RALGPS2: variants seen among roughly 807,000 people sequenced by gnomAD.
The protein encoded by RALGPS2 is Ral GEF with PH domain and SH3 binding motif 2, also known as ras-specific guanine nucleotide-releasing factor RalGPS2.
RALGPS2 carries 43 observed loss-of-function variants against 86.8 expected under a neutral mutation model. The observed-to-expected ratio is 0.50, with a 90% CI of 0.39 to 0.64. The LOEUF is 0.64. RALGPS2 is among the 30% of genes least tolerant of loss of function. RALGPS2 has a pLI of 0.00. For missense variants in RALGPS2, 536 were observed against 694.6 expected (o/e 0.77, Z 2.57); for synonymous variants, 243 against 231.3 (o/e 1.05, Z -0.46).
intron 12 of RALGPS2, chr1:178,885,466 A>C: frequency 2.8e-6 from 1 of 361,722 alleles, no homozygotes; most frequent in Non-Finnish European, 4.9e-6. Context: ...GGGCCATCAT[A>C]AATAAAATCA....
chr1:178,744,542 G>A (rs931829462), intron 1 of RALGPS2, among the ~76,000 whole-genome samples: 1 of 152,168 alleles, frequency 6.6e-6, no homozygotes, highest in African/African-American at 2.4e-5. Context: ...GGGTTTGGTG[G>A]CTCATGCCTG....
At chr1:178,817,624 T>C (rs976588636) in intron 6 of RALGPS2, among the ~76,000 whole-genome samples, 1 of 152,192 alleles carries the variant, frequency 6.6e-6, no homozygotes, top group Non-Finnish European at 1.5e-5. Flanking sequence ...TCTGTGGAAA[T>C]TTTAGAAGTA....
intron 2 of RALGPS2, 149 bp downstream of exon 2, chr1:178,776,970 C>CT: frequency 1.6e-6 from 1 of 611,882 alleles, no homozygotes; most frequent in Non-Finnish European, 2.7e-6. Context: ...TTTTTTTATA[C>CT]TTTAAGTTTT....
At chr1:178,776,148 A>G (rs1028190199) in intron 1 of RALGPS2, among the ~76,000 whole-genome samples, 5 of 152,186 alleles carry the variant, frequency 3.3e-5, no homozygotes, top group South Asian at 4.1e-4. Context: ...GGATTTTGGT[A>G]TCTATAGTAG....
chr1:178,773,986 A>G (rs2102097141), intron 1 of RALGPS2, among the ~76,000 whole-genome samples: 1 of 152,330 alleles, frequency 6.6e-6, no homozygotes, highest in East Asian at 1.9e-4. Flanking sequence ...GACGCCTGTA[A>G]TCCCAGCACT....
intron 11 of RALGPS2, 53 bp downstream of exon 11, chr1:178,883,586 G>A (rs1558169707): frequency 7.4e-6 from 10 of 1,343,066 alleles, no homozygotes; most frequent in Non-Finnish European, 1.1e-5. Flanking sequence ...AACCTAATAA[G>A]GAAGAATATA....
At chr1:178,762,513 A>T (rs564040057) in intron 1 of RALGPS2, among the ~76,000 whole-genome samples, 1 of 152,310 alleles carries the variant, frequency 6.6e-6, no homozygotes, top group African/African-American at 2.4e-5. Flanking sequence ...CCTTGCCAGC[A>T]TCTGTTATTT....
intron 8 of RALGPS2, among the ~76,000 whole-genome samples, chr1:178,838,155 C>T (rs968294550): frequency 6.6e-6 from 1 of 152,234 alleles, no homozygotes; most frequent in African/African-American, 2.4e-5. Context: ...ATGTCCCTGT[C>T]TGACAGCTTT....
chr1:178,741,720 T>G (rs564279620), intron 1 of RALGPS2, among the ~76,000 whole-genome samples: 1 of 152,214 alleles, frequency 6.6e-6, no homozygotes, highest in East Asian at 1.9e-4. Flanking sequence ...TACTTACTTA[T>G]TCAGAAGAAA....
chr1:178,890,950 C>G (rs1032460190), intron 14 of RALGPS2, among the ~76,000 whole-genome samples: 1 of 151,980 alleles, frequency 6.6e-6, no homozygotes, highest in Non-Finnish European at 1.5e-5. Flanking sequence ...GTCTTTCCCT[C>G]TAGAAAGAAC....
intron 18 of RALGPS2, 49 bp downstream of exon 18, chr1:178,902,260 GTATA>G: frequency 7.4e-7 from 1 of 1,357,806 alleles, no homozygotes; most frequent in Non-Finnish European, 1.1e-6. Context: ...ATGTGTTTGT[GTATA>G]TGTATGTATG....
At chr1:178,795,665 C>T (rs755931604) in intron 4 of RALGPS2, among the ~76,000 whole-genome samples, 3 of 152,150 alleles carry the variant, frequency 2.0e-5, no homozygotes, top group Non-Finnish European at 4.4e-5. Flanking sequence ...CCACCCACCT[C>T]AGCCTCCCAA....
In RALGPS2 at chr1:178,879,009, A is replaced by G. The variant is rs368832010; in HGVS notation, c.836+17A>G. On this transcript the variant is annotated intron_variant, in intron 10 of 19. Coordinates refer to ENST00000367635, the MANE Select transcript of RALGPS2 (RefSeq NM_152663.5). ...TAATTACAAGTAGGTTGGATCTTCA[A>G]AAGTGGTTTGTATAACTTTGTCCTG... 1.7e-5 allele frequency: 27 copies of G among 1,611,100 alleles called. No homozygotes were observed. Among genetic ancestry groups the G allele is most frequent in the East Asian group, 2.2e-5 (1 of 44,658 alleles).
At chr1:178,750,633 C>T (rs1558101892) in intron 1 of RALGPS2, among the ~76,000 whole-genome samples, 2 of 152,176 alleles carry the variant, frequency 1.3e-5, no homozygotes, top group Non-Finnish European at 2.9e-5. Flanking sequence ...AATTCAGGCA[C>T]TTTTACTTTG....
chr1:178,836,595 C>A (rs947851828), intron 8 of RALGPS2, among the ~76,000 whole-genome samples: 3 of 152,150 alleles, frequency 2.0e-5, no homozygotes, highest in Non-Finnish European at 2.9e-5. Context: ...GTTTCTCAAG[C>A]CCCATCTTAA....
chr1:178,886,431 G>A (rs1488605923), intron 13 of RALGPS2, among the ~76,000 whole-genome samples: 1 of 152,104 alleles, frequency 6.6e-6, no homozygotes, highest in East Asian at 1.9e-4. Flanking sequence ...CGGTTATTTG[G>A]GTTAAACAAG....
chr1:178,802,739 C>T (rs939970244), intron 4 of RALGPS2, among the ~76,000 whole-genome samples: 3 of 152,102 alleles, frequency 2.0e-5, no homozygotes, highest in Admixed American at 1.3e-4. Flanking sequence ...CTCTGGACTG[C>T]ATATGGCAGC....
intron 8 of RALGPS2, among the ~76,000 whole-genome samples, chr1:178,873,887 C>G (rs1658878906): frequency 6.6e-6 from 1 of 151,998 alleles, no homozygotes; most frequent in Non-Finnish European, 1.5e-5. Context: ...ATGTACTAGA[C>G]ACTTTTTTTT....
intron 4 of RALGPS2, among the ~76,000 whole-genome samples, chr1:178,791,931 C>T (rs879683265): frequency 6.6e-6 from 1 of 152,176 alleles, no homozygotes; most frequent in Non-Finnish European, 1.5e-5. Context: ...ACTGTAGAAA[C>T]TGTCTTATCT....
Sources: gnomAD v4.1 joint callset for allele counts (sites outside exome capture counted in the v4.1 genomes callset) on GRCh38, gnomAD v4.1.1 for gene constraint, MANE v1.5 for transcripts, NCBI Gene and HGNC (gene_info 2026-07-23, HGNC 2026-07-21) for gene names.